The following LAMA3 variants were observed in gnomAD, a reference collection of about 807,000 sequenced individuals.
The protein encoded by LAMA3 is laminin subunit alpha 3, also known as laminin subunit alpha-3.
In LAMA3, 281 loss-of-function variants were observed where a neutral mutation model predicts 402.0. The ratio of observed to expected loss-of-function variants is 0.70; its 90% CI spans 0.63 to 0.77. LAMA3 has a LOEUF of 0.77. Among genes scored for constraint, LAMA3 ranks in the 30% least tolerant of loss-of-function variants. The pLI, the probability that LAMA3 is intolerant of heterozygous loss-of-function variation, is 0.00. For synonymous variants in LAMA3, 1,431 were observed against 1,558.4 expected (o/e 0.92, Z 1.93); for missense variants, 3,840 against 4,215.5 (o/e 0.91, Z 2.47).
chr18:23,868,036 G>T lies in LAMA3; in HGVS notation c.4767+119G>T, dbSNP rs1243409779. 7 of 826,084 alleles carry T rather than the reference G, an allele frequency of 8.5e-6. No individual in the cohort carries two copies. In the East Asian group the frequency reaches 2.0e-4, roughly 23 times the overall value. 51.2% of individuals were successfully genotyped at this position (826,084 alleles called of 1,614,324 possible). A position where few individuals can be genotyped will look rare whatever the true frequency, so the allele number is the denominator to read the frequency against. ...ATATGGATTCTATTTATATAAATAT[G>T]TTTATATATACAGGTTGAGCATCCT... On this transcript the variant is annotated intron_variant, in intron 37 of 74. Coordinates refer to ENST00000313654, the MANE Select transcript of LAMA3 (RefSeq NM_198129.4).
chr18:23,856,985 C>T (rs1211070620), intron 32 of LAMA3, among the ~76,000 whole-genome samples: 1 of 152,142 alleles, frequency 6.6e-6, no homozygotes, highest in Non-Finnish European at 1.5e-5. Flanking sequence ...CCAACCACAC[C>T]CTCTCCTCCT....
intron 60 of LAMA3, among the ~76,000 whole-genome samples, chr18:23,920,032 C>T (rs2081776409): frequency 6.6e-6 from 1 of 151,776 alleles, no homozygotes; most frequent in South Asian, 2.1e-4. Context: ...AGAATGATTC[C>T]TAGGTTATGA....
chr18:23,711,756 G>A (rs2060994091), intron 1 of LAMA3, among the ~76,000 whole-genome samples: 1 of 152,018 alleles, frequency 6.6e-6, no homozygotes, highest in African/African-American at 2.4e-5. Flanking sequence ...ATATAAACTG[G>A]GTGGTGCCCA....
intron 56 of LAMA3, among the ~76,000 whole-genome samples, chr18:23,913,197 C>T (rs1029234729): frequency 6.6e-6 from 1 of 152,156 alleles, no homozygotes; most frequent in South Asian, 2.1e-4. Flanking sequence ...TCCATACTAC[C>T]AAGTTGTATG....
In LAMA3 at chr18:23,777,588, T is replaced by G. The variant is rs1293195157; in HGVS notation, c.1437T>G (p.Ser479Arg). Reference protein sequence around the residue: ...RIPIFPVSTPSSEDPVAGDIK... With the variant: ...RIPIFPVSTPRSEDPVAGDIK... ...CCATTTTTCCTGTTTCTACACCAAG[T>G]TCAGAAGATCCAGTAGCTGGAGATA... The change falls in exon 11 of 75, where the codon AGT (serine) becomes AGG (arginine). Residue 479 changes from serine (S) to arginine (R), a missense_variant. Coordinates refer to ENST00000313654, the MANE Select transcript of LAMA3 (RefSeq NM_198129.4). 1.2e-6 allele frequency: 2 copies of G among 1,612,462 alleles called. No individual in the cohort carries two copies. The highest frequency in any genetic ancestry group is 1.7e-6 in the Non-Finnish European group (2 of 1,178,398).
At chr18:23,855,031 C>T (rs1215975458) in intron 32 of LAMA3, among the ~76,000 whole-genome samples, 2 of 152,098 alleles carry the variant, frequency 1.3e-5, no homozygotes, top group African/African-American at 4.8e-5. Context: ...ATAAACCACA[C>T]ACACAAAAAA....
chr18:23,741,770 A>C (rs2061567300), intron 2 of LAMA3, among the ~76,000 whole-genome samples: 1 of 152,222 alleles, frequency 6.6e-6, no homozygotes, highest in African/African-American at 2.4e-5. Context: ...GAAACTTAGC[A>C]TTATCAATAA....
At position 23,907,562 on chromosome 18, in the gene LAMA3, C is replaced by T; in HGVS notation, c.6731C>T (p.Ala2244Val). ...TATTTTATTTTAGAAGTCAGTCCAGCTCTCAACAACCTACAGCAAACCCTG... is the reference window on the plus strand; with the variant it reads ...TATTTTATTTTAGAAGTCAGTCCAGTTCTCAACAACCTACAGCAAACCCTG... ...QKKLKQEVSP[A>V]LNNLQQTLNI... Residue 2244 changes from alanine to valine, a missense_variant, in exon 53 of 75, where the codon GCT (alanine) becomes GTT (valine). By Grantham distance (64) the Ala-to-Val change is moderately conservative. Coordinates refer to ENST00000313654, the MANE Select transcript of LAMA3 (RefSeq NM_198129.4). 1.2e-6 allele frequency: 2 copies of T among 1,612,172 alleles called. No individual in the cohort carries two copies. Among genetic ancestry groups the T allele is most frequent in the Non-Finnish European group, 1.7e-6 (2 of 1,178,258 alleles).
chr18:23,921,519 T>G lies in LAMA3; in HGVS notation c.8111T>G (p.Ile2704Ser), dbSNP rs758209520. The change falls in exon 62 of 75, where the codon ATT becomes AGT. Residue 2704 changes from isoleucine to serine, a missense_variant. By Grantham distance (142) the Ile-to-Ser change is moderately radical. This residue lies in a region of LAMA3 where 840 missense variants were observed against 981.9 expected (regional missense o/e 0.86). Transcript: ENST00000313654. Reference sequence around the variant, plus strand: ...AATGTGGACGTTCAAAACACTATAATTGATGGTGAAGTATTTGATTTCAGC... The same window carrying G: ...AATGTGGACGTTCAAAACACTATAAGTGATGGTGAAGTATTTGATTTCAGC... ...WINVDVQNTIIDGEVFDFSTY... is the reference protein window; with the variant it reads ...WINVDVQNTISDGEVFDFSTY... 6.2e-7 allele frequency: 1 copy of G among 1,613,648 alleles called. No individual in the cohort carries two copies. The highest frequency in any genetic ancestry group is 1.1e-5 in the South Asian group (1 of 91,066).
intron 36 of LAMA3, among the ~76,000 whole-genome samples, chr18:23,865,349 C>T (rs1473011157): frequency 1.3e-4 from 20 of 152,164 alleles, no homozygotes; most frequent in Non-Finnish European, 2.5e-4. Context: ...GTTGCCCAGG[C>T]TGGCCTCAAA....
At chr18:23,876,838 G>T (rs976344847) in intron 39 of LAMA3, among the ~76,000 whole-genome samples, 5 of 152,158 alleles carry the variant, frequency 3.3e-5, no homozygotes, top group South Asian at 4.1e-4. Context: ...GGGATTTGAG[G>T]AGGGCTCAAG....
At chr18:23,753,836 T>C in intron 6 of LAMA3, 24 bp downstream of exon 6, 1 of 1,506,290 alleles carries the variant, frequency 6.6e-7, no homozygotes, top group Non-Finnish European at 9.2e-7. Flanking sequence ...ACAGATTTTT[T>C]TCAGCCTTAC....
chr18:23,914,778 A>G lies in LAMA3; in HGVS notation c.7562A>G (p.Asp2521Gly), dbSNP rs763975214. 6.2e-7 allele frequency: 1 copy of G among 1,613,288 alleles called. No individual in the cohort carries two copies. Among genetic ancestry groups the G allele is most frequent in the Non-Finnish European group, 8.5e-7 (1 of 1,179,200 alleles). The change falls in exon 58 of 75, where the codon GAT (aspartate) becomes GGT (glycine). Residue 2521 changes from aspartate to glycine, a missense_variant. Asp to Gly is a moderately conservative substitution (Grantham distance 94, BLOSUM62 -1). Around this residue, in one of 3 missense-constraint regions of LAMA3, gnomAD observed 891 missense variants for 857.5 expected, o/e 1.04. Coordinates refer to ENST00000313654, the MANE Select transcript of LAMA3 (RefSeq NM_198129.4). ...GAAACACCCGGAGTCTATGACATGGATGGTAGAAATAGCAATACACTCCTT... is the reference window on the plus strand; with the variant it reads ...GAAACACCCGGAGTCTATGACATGGGTGGTAGAAATAGCAATACACTCCTT... Reference protein sequence around the residue: ...KPETPGVYDMDGRNSNTLLNL... With the variant: ...KPETPGVYDMGGRNSNTLLNL...
rs1224072506 is a variant in LAMA3, at chr18:23,950,070, A to T, written c.9553A>T (p.Ser3185Cys). The stretch of plus-strand genomic sequence containing the variant: ...GGGGCCAGAATTTAAGCTTGTTTTC[A>T]GCATCCGCCCAAGAAGTCTCACTGG... ...LLGPEFKLVF[S>C]IRPRSLTGIL... is the part of the protein sequence containing the mutation. Residue 3185 changes from serine to cysteine, a missense_variant, in exon 72 of 75, where the codon AGC (serine) becomes TGC (cysteine). Ser to Cys is a moderately radical substitution (Grantham distance 112). This residue lies in a region of LAMA3 where 840 missense variants were observed against 981.9 expected (regional missense o/e 0.86). Coordinates refer to ENST00000313654, the MANE Select transcript of LAMA3 (RefSeq NM_198129.4). 1.9e-6 allele frequency: 3 copies of T among 1,613,996 alleles called. No individual in the cohort carries two copies. The Admixed American group carries it at 5.0e-5, about 27-fold the overall frequency.
intron 62 of LAMA3, among the ~76,000 whole-genome samples, chr18:23,925,821 C>G (rs541992810): frequency 6.4e-4 from 97 of 152,218 alleles, no homozygotes; most frequent in Non-Finnish European, 1.2e-3. Context: ...AACACTTCTG[C>G]TGTAGGTAAC....
chr18:23,829,366 C>T (rs569281838), intron 23 of LAMA3, among the ~76,000 whole-genome samples: 64 of 152,284 alleles, frequency 4.2e-4, no homozygotes, highest in Non-Finnish European at 8.8e-4. Flanking sequence ...ATTTTGTTTA[C>T]AGGCATATTG....
chr18:23,946,663 C>T lies in LAMA3; in HGVS notation c.9351+379C>T, dbSNP rs978600051. The stretch of plus-strand genomic sequence containing the variant: ...ATTTGTGCCATTTTCACCATCTTTG[C>T]CATAAGGTAAAACATTGGCTTAACT... On this transcript the variant is annotated intron_variant, in intron 70 of 74. Transcript: ENST00000313654. 13 of 210,800 alleles carry T rather than the reference C, an allele frequency of 6.2e-5. No homozygotes were observed. The South Asian group carries it at 6.4e-4, about 10-fold the overall frequency. 13.1% of individuals were successfully genotyped at this position (210,800 alleles called of 1,614,324 possible).
chr18:23,750,774 A>G (rs1390949266), intron 4 of LAMA3, 144 bp from the exon 5 acceptor site: 7 of 808,952 alleles, frequency 8.7e-6, no homozygotes, highest in Middle Eastern at 3.4e-4. Flanking sequence ...TTTTAGACAT[A>G]AACAAGACCC....
intron 12 of LAMA3, among the ~76,000 whole-genome samples, chr18:23,807,715 T>C (rs1476527545): frequency 6.6e-6 from 1 of 152,198 alleles, no homozygotes; most frequent in African/African-American, 2.4e-5. Context: ...CCTGATTGGA[T>C]GAGGACCACT....
Sources: allele counts gnomAD v4.1 joint callset (sites outside exome capture counted in the v4.1 genomes callset), GRCh38; gene constraint gnomAD v4.1.1; regional missense constraint gnomAD v4.1.1; transcripts MANE v1.5; gene names NCBI Gene and HGNC (gene_info 2026-07-23, HGNC 2026-07-21).